The following SNX29 variants were observed in gnomAD, a reference collection of about 807,000 sequenced individuals.
SNX29 encodes the protein sorting nexin 29, also known as sorting nexin-29.
A neutral mutation model predicts 102.1 loss-of-function variants in SNX29; 78 were observed. That is an observed-to-expected ratio of 0.76 (90% CI 0.64 to 0.92). SNX29 has a LOEUF of 0.92. Among genes scored for constraint, SNX29 ranks in the 40% least tolerant of loss-of-function variants. The pLI is 0.00. For missense variants in SNX29, 1,280 were observed against 1,061.7 expected (o/e 1.21, Z -2.86); for synonymous variants, 580 against 414.5 (o/e 1.40, Z -4.85).
chr16:12,394,993 T>C (rs781089115), intron 16 of SNX29, among the ~76,000 whole-genome samples: 35 of 152,174 alleles, frequency 2.3e-4, no homozygotes, highest in Non-Finnish European at 4.3e-4. Flanking sequence ...TCCCTGTTCA[T>C]CTTTACCACC....
intron 18 of SNX29, among the ~76,000 whole-genome samples, chr16:12,452,070 G>A (rs2086324639): frequency 6.6e-6 from 1 of 152,176 alleles, no homozygotes; most frequent in African/African-American, 2.4e-5. Context: ...GCTCAGACCT[G>A]TCATCTGTGG....
chr16:12,137,804 T>C (rs1026374039), intron 13 of SNX29, among the ~76,000 whole-genome samples: 1 of 152,202 alleles, frequency 6.6e-6, no homozygotes, highest in African/African-American at 2.4e-5. Flanking sequence ...GCATACTGAT[T>C]TGAATTATGG....
At chr16:12,358,640 G>C (rs1485593140) in intron 16 of SNX29, among the ~76,000 whole-genome samples, 1 of 152,182 alleles carries the variant, frequency 6.6e-6, no homozygotes, top group East Asian at 1.9e-4. Flanking sequence ...ATTTCAGAAG[G>C]GGTCCAGCCC....
intron 13 of SNX29, among the ~76,000 whole-genome samples, chr16:12,139,384 C>T (rs1054839847): frequency 3.3e-5 from 5 of 152,054 alleles, no homozygotes; most frequent in African/African-American, 2.4e-5. Context: ...TTAGACTGTG[C>T]GATCCATGAG....
chr16:12,093,639 C>T (rs2151416801), intron 11 of SNX29: 1 of 152,324 alleles, frequency 6.6e-6, no homozygotes, highest in East Asian at 1.9e-4. Context: ...CGGGCAAATG[C>T]TTTAATTTCT....
chr16:12,481,510 A>G (rs1296870637), intron 19 of SNX29, among the ~76,000 whole-genome samples: 2 of 117,628 alleles, frequency 1.7e-5, no homozygotes, highest in African/African-American at 7.5e-5. Flanking sequence ...ACATATACAT[A>G]TAGACACACA....
chr16:12,108,372 T>G (rs2053355984), intron 11 of SNX29, among the ~76,000 whole-genome samples: 1 of 152,148 alleles, frequency 6.6e-6, no homozygotes, highest in African/African-American at 2.4e-5. Flanking sequence ...GTGGCTTCCA[T>G]GAGAAAAAGA....
At chr16:11,997,584 C>G (rs2056127642) in intron 1 of SNX29, among the ~76,000 whole-genome samples, 1 of 151,730 alleles carries the variant, frequency 6.6e-6, no homozygotes, top group Non-Finnish European at 1.5e-5. Flanking sequence ...TTCAAGTGAT[C>G]CTTCCACTTC....
chr16:12,433,498 G>T (rs904132958), intron 18 of SNX29, among the ~76,000 whole-genome samples: 14 of 152,068 alleles, frequency 9.2e-5, no homozygotes, highest in African/African-American at 3.4e-4. Context: ...TGGCGTGGTG[G>T]CATATGCCTG....
intron 15 of SNX29, among the ~76,000 whole-genome samples, chr16:12,318,169 A>G (rs532883663): frequency 6.6e-6 from 1 of 152,366 alleles, no homozygotes; most frequent in Non-Finnish European, 1.5e-5. Flanking sequence ...AGGGCGGCAG[A>G]GCCAGGATTG....
At chr16:12,531,153 G>C (rs2076921885) in intron 20 of SNX29, among the ~76,000 whole-genome samples, 1 of 152,214 alleles carries the variant, frequency 6.6e-6, no homozygotes, top group African/African-American at 2.4e-5. Flanking sequence ...GGTTTGATCT[G>C]GATCGAAGGG....
chr16:12,553,042 C>A (rs1368777426), intron 20 of SNX29, among the ~76,000 whole-genome samples: 1 of 152,218 alleles, frequency 6.6e-6, no homozygotes, highest in African/African-American at 2.4e-5. Context: ...GCTGGGGACA[C>A]TAATTGGAGA....
At chr16:12,463,379 A>G (rs77151729) in intron 18 of SNX29, among the ~76,000 whole-genome samples, 1 of 152,226 alleles carries the variant, frequency 6.6e-6, no homozygotes, top group African/African-American at 2.4e-5. Flanking sequence ...TTGGACTCAC[A>G]GTTCCACATG....
intron 3 of SNX29, among the ~76,000 whole-genome samples, chr16:12,021,827 G>T (rs995289518): frequency 2.6e-5 from 4 of 151,692 alleles, no homozygotes; most frequent in African/African-American, 9.7e-5. Context: ...GGTGGCAGAG[G>T]TTACAGTGAG....
intron 18 of SNX29, among the ~76,000 whole-genome samples, chr16:12,409,905 T>C (rs1219736843): frequency 6.6e-6 from 1 of 152,256 alleles, no homozygotes; most frequent in Non-Finnish European, 1.5e-5. Flanking sequence ...CTGGCTGTTG[T>C]ACAATATTTC....
intron 18 of SNX29, among the ~76,000 whole-genome samples, chr16:12,413,431 G>T (rs373720564): frequency 2.0e-5 from 3 of 151,916 alleles, no homozygotes; most frequent in Non-Finnish European, 4.4e-5. Flanking sequence ...CTGACTTACC[G>T]AATGGCAGCC....
intron 9 of SNX29, among the ~76,000 whole-genome samples, chr16:12,066,654 C>T (rs2151291003): frequency 6.6e-6 from 1 of 151,386 alleles, no homozygotes; most frequent in African/African-American, 2.4e-5. Flanking sequence ...GGGCCACCTT[C>T]ACTCAGGAAT....
chr16:12,070,397 A>T (rs1441937400), intron 10 of SNX29, among the ~76,000 whole-genome samples: 1 of 137,944 alleles, frequency 7.2e-6, no homozygotes, highest in Non-Finnish European at 1.5e-5. Context: ...CTCATTGTTC[A>T]ATTCCTATCT....
intron 20 of SNX29, among the ~76,000 whole-genome samples, chr16:12,544,471 G>A (rs762580828): frequency 1.8e-4 from 27 of 152,274 alleles, no homozygotes; most frequent in East Asian, 7.7e-4. Context: ...TGAAGAGGCC[G>A]ATTTTATGAT....
Sources: allele counts gnomAD v4.1 joint callset (sites outside exome capture counted in the v4.1 genomes callset), GRCh38; gene constraint gnomAD v4.1.1; transcripts MANE v1.5; gene names NCBI Gene and HGNC (gene_info 2026-07-23, HGNC 2026-07-21).